Variants in GPR26 observed in about 807,000 individuals in gnomAD.
The protein encoded by GPR26 is G protein-coupled receptor 26.
In GPR26, 15 loss-of-function variants were observed where a neutral mutation model predicts 23.1. That is an observed-to-expected ratio of 0.65 (90% CI 0.43 to 1.00). The LOEUF (loss-of-function observed/expected upper bound fraction) is 1.00, where lower values mean the gene tolerates loss of function less well. GPR26 is among the 50% of genes least tolerant of loss of function. The pLI is 0.00. For synonymous variants in GPR26, 228 were observed against 222.1 expected, an observed-to-expected ratio of 1.03 and a Z score of -0.24; for missense variants, 359 against 470.5, an observed-to-expected ratio of 0.76 and a Z score of 2.19.
At chr10:123,667,532 G>A (rs1845200876) in intron 1 of GPR26, among the ~76,000 whole-genome samples, 1 of 150,994 alleles carries the variant, frequency 6.6e-6, no homozygotes, top group Admixed American at 6.6e-5. Context: ...TTCCCTTCTC[G>A]GGTGTGTGGC....
intron 2 of GPR26, among the ~76,000 whole-genome samples, chr10:123,685,301 C>T (rs372543833): frequency 2.6e-5 from 4 of 152,194 alleles, no homozygotes; most frequent in Admixed American, 1.3e-4. Flanking sequence ...GATGCCTGCC[C>T]GGATCTGGAA....
intron 2 of GPR26, among the ~76,000 whole-genome samples, chr10:123,684,417 T>C (rs556727411): frequency 4.1e-4 from 62 of 152,296 alleles, no homozygotes; most frequent in African/African-American, 1.5e-3. Flanking sequence ...CAGCCTCCCC[T>C]GCTCCCCATG....
rs1334709891 is a variant in GPR26, at chr10:123,687,896, G to A, written c.783-33G>A. The A allele has an allele frequency of 4.1e-6, 6 of 1,454,090 alleles. No homozygotes were observed. The South Asian group carries it at 5.7e-5, about 14-fold the overall frequency. The allele number at this position is 1,454,090 out of a possible 1,614,324, so 90.1% of individuals were successfully genotyped here. ...GCCACTCCCAGCGGTGCTTAGCTAT[G>A]TCCTCATTAACAGCTTCCCTGTCTC... On this transcript the variant is annotated intron_variant, in intron 2 of 2. Coordinates refer to ENST00000284674, the MANE Select transcript of GPR26 (RefSeq NM_153442.4).
chr10:123,677,525 C>T (rs1237466365), intron 2 of GPR26, among the ~76,000 whole-genome samples: 1 of 152,200 alleles, frequency 6.6e-6, no homozygotes, highest in Non-Finnish European at 1.5e-5. Context: ...CACCCACATT[C>T]CAGGCCAGCA....
rs551541595 is a variant in GPR26 at position 123,695,962 on chromosome 10, T to G, written c.*7802T>G. On this transcript the variant is annotated 3_prime_UTR_variant, in exon 3 of 3. Coordinates refer to ENST00000284674, the MANE Select transcript of GPR26 (RefSeq NM_153442.4). Reference sequence around the variant, plus strand: ...AACTCTGGATCACAAACAGCACAAATTAAAAAGGTGCCTTGCCTGATGCCC... The same window carrying G: ...AACTCTGGATCACAAACAGCACAAAGTAAAAAGGTGCCTTGCCTGATGCCC... 1.2e-3 allele frequency among the ~76,000 whole-genome samples: 179 copies of G among 152,236 alleles called. No individual in the cohort carries two copies. The highest frequency in any genetic ancestry group is 4.1e-3 in the African/African-American group (170 of 41,550).
At chr10:123,668,795 A>G (rs1845217545) in intron 1 of GPR26, among the ~76,000 whole-genome samples, 2 of 152,176 alleles carry the variant, frequency 1.3e-5, no homozygotes, top group Non-Finnish European at 2.9e-5. Context: ...CCCTCTCACC[A>G]TGAGTCTAAC....
At chr10:123,667,579 G>T (rs1254200369) in intron 1 of GPR26, among the ~76,000 whole-genome samples, 3 of 150,402 alleles carry the variant, frequency 2.0e-5, no homozygotes. Flanking sequence ...GTGTGTGTGT[G>T]TGTGTGTGTG....
chr10:123,692,759 A>C lies in GPR26; in HGVS notation c.*4599A>C, dbSNP rs904594071. 7 of 152,242 alleles carry C rather than the reference A, an allele frequency of 4.6e-5. No individual in the cohort carries two copies. The highest frequency in any genetic ancestry group is 1.4e-4 in the African/African-American group (6 of 41,454). 9.4% of individuals were successfully genotyped at this position (152,242 alleles called of 1,614,324 possible). On this transcript the variant is annotated 3_prime_UTR_variant, in exon 3 of 3. Transcript: ENST00000284674. ...TGCTGTTATTATCTCTACGTTACACATCTGGGAGGATTTGAAAGTCCTGGA... is the reference window on the plus strand; with the variant it reads ...TGCTGTTATTATCTCTACGTTACACCTCTGGGAGGATTTGAAAGTCCTGGA...
rs1423449983 is a variant in GPR26, at chr10:123,691,600, T to G, written c.*3440T>G. The G allele has an allele frequency of 6.6e-6, 1 of 152,168 alleles. No individual in the cohort carries two copies. The highest frequency in any genetic ancestry group is 1.5e-5 in the Non-Finnish European group (1 of 68,030). 9.4% of individuals were successfully genotyped at this position (152,168 alleles called of 1,614,324 possible). ...CAGATGCAGGATAAACTAGCTTGCC[T>G]GAGTTTAATGAGGATATTATATCAG... On this transcript the variant is annotated 3_prime_UTR_variant, in exon 3 of 3. Coordinates refer to ENST00000284674, the MANE Select transcript of GPR26 (RefSeq NM_153442.4).
Position 123,688,011 on chromosome 10 carries a change from T to C in GPR26, c.865T>C (p.Ser289Pro). The C allele has an allele frequency of 6.2e-7, 1 of 1,614,082 alleles. No individual in the cohort carries two copies. Among genetic ancestry groups the C allele is most frequent in the Non-Finnish European group, 8.5e-7 (1 of 1,179,976 alleles). The change falls in exon 3 of 3, where the codon TCC (serine) becomes CCC (proline). Residue 289 changes from serine (S) to proline (P), a missense_variant. By Grantham distance (74) the Ser-to-Pro change is moderately conservative. Coordinates refer to ENST00000284674, the MANE Select transcript of GPR26 (RefSeq NM_153442.4). ...SKCLAYSKAA[S>P]DPFVYSLLRH... ...GTGCTTGGCGTACAGCAAGGCCGCA[T>C]CCGACCCCTTTGTGTACTCCTTACT...
chr10:123,688,242 C>T lies in GPR26; in HGVS notation c.*82C>T. ...GAGGGCGTGGGGGCCCCTGGGTGGA[C>T]ACCACCAGCCACCAGTCCCTGGCAT... On this transcript the variant is annotated 3_prime_UTR_variant, in exon 3 of 3. Coordinates refer to ENST00000284674, the MANE Select transcript of GPR26 (RefSeq NM_153442.4). The T allele has an allele frequency of 2.5e-6, 2 of 804,178 alleles. No individual in the cohort carries two copies. The highest frequency in any genetic ancestry group is 3.2e-5 in the South Asian group (2 of 62,994). The allele number at this position is 804,178 out of a possible 1,614,324, so 49.8% of individuals were successfully genotyped here.
rs1704818238 is a variant in GPR26, at chr10:123,692,473, C to T, written c.*4313C>T. 1 of 152,338 alleles carries T rather than the reference C, an allele frequency of 6.6e-6. No individual in the cohort carries two copies. Among genetic ancestry groups the T allele is most frequent in the Non-Finnish European group, 1.5e-5 (1 of 68,136 alleles). 9.4% of individuals were successfully genotyped at this position (152,338 alleles called of 1,614,324 possible). ...AGCTCATCCCGTGTGGCTGACCCTT[C>T]CAGGTCACTTGGAGCAGCCAGTAAT... is the stretch of plus-strand genomic sequence containing the variant. On this transcript the variant is annotated 3_prime_UTR_variant, in exon 3 of 3. Transcript: ENST00000284674.
At chr10:123,676,871 A>G (rs952559469) in intron 2 of GPR26, among the ~76,000 whole-genome samples, 2 of 152,206 alleles carry the variant, frequency 1.3e-5, no homozygotes, top group African/African-American at 4.8e-5. Flanking sequence ...GACAGGGAAC[A>G]TGGAGACAGG....
At chr10:123,681,509 C>T (rs373582587) in intron 2 of GPR26, among the ~76,000 whole-genome samples, 1 of 152,206 alleles carries the variant, frequency 6.6e-6, no homozygotes, top group Non-Finnish European at 1.5e-5. Flanking sequence ...CGCTTCCACC[C>T]GCCTTGTACC....
intron 2 of GPR26, among the ~76,000 whole-genome samples, chr10:123,684,119 TG>T (rs966532330): frequency 1.3e-5 from 2 of 152,164 alleles, no homozygotes; most frequent in African/African-American, 2.4e-5. Flanking sequence ...GTGAGCCTTT[TG>T]AGCACATAAG....
chr10:123,675,402 C>T (rs1331493901), intron 2 of GPR26, among the ~76,000 whole-genome samples: 2 of 152,204 alleles, frequency 1.3e-5, no homozygotes, highest in African/African-American at 4.8e-5. Flanking sequence ...GAGCAGGTAG[C>T]ATGCTCTGTG....
Position 123,693,597 on chromosome 10 carries a change from G to C in GPR26, c.*5437G>C, listed in dbSNP as rs755450755. 1 of 152,382 alleles carries C rather than the reference G, an allele frequency of 6.6e-6. No individual in the cohort carries two copies. Among genetic ancestry groups the C allele is most frequent in the Non-Finnish European group, 1.5e-5 (1 of 68,188 alleles). 9.4% of individuals were successfully genotyped at this position (152,382 alleles called of 1,614,324 possible). A position where few individuals can be genotyped will look rare whatever the true frequency, so the allele number is the denominator to read the frequency against. ...CCCGCTGGCTCACACTGTCTCCCCA[G>C]ACCAATGGCCTATTAGCCCCCAAAA... On this transcript the variant is annotated 3_prime_UTR_variant, in exon 3 of 3. Coordinates refer to ENST00000284674, the MANE Select transcript of GPR26 (RefSeq NM_153442.4).
At position 123,679,414 on chromosome 10, in the gene GPR26, C is replaced by T. The variant is rs1368440101; in HGVS notation, c.782+4483C>T. Among the ~76,000 whole-genome samples, 4 of 152,216 alleles carry T rather than the reference C, an allele frequency of 2.6e-5. 1 individual carries two copies. Among genetic ancestry groups the T allele is most frequent in the East Asian group, 3.8e-4 (2 of 5,198 alleles). On this transcript the variant is annotated intron_variant, in intron 2 of 2. Coordinates refer to ENST00000284674, the MANE Select transcript of GPR26 (RefSeq NM_153442.4). ...TCTTCGGTTTACCAACTTGGCTTTA[C>T]GTTAGAATCGCCTGGAGAGCTTTAC... is the stretch of plus-strand genomic sequence containing the variant.
At chr10:123,677,076 G>A (rs555263416) in intron 2 of GPR26, among the ~76,000 whole-genome samples, 1 of 152,196 alleles carries the variant, frequency 6.6e-6, no homozygotes, top group African/African-American at 2.4e-5. Flanking sequence ...ACAGCCGTGG[G>A]CTAATGAGGT....
Sources: gnomAD v4.1 joint callset for allele counts (sites outside exome capture counted in the v4.1 genomes callset) on GRCh38, gnomAD v4.1.1 for gene constraint, MANE v1.5 for transcripts, NCBI Gene and HGNC (gene_info 2026-07-23, HGNC 2026-07-21) for gene names.